The following ITGB3BP variants were observed in gnomAD, a reference collection of about 807,000 sequenced individuals.
ITGB3BP encodes integrin subunit beta 3 binding protein.
In ITGB3BP, 27 loss-of-function variants were observed where a neutral mutation model predicts 29.1. That is an observed-to-expected ratio of 0.93 (90% CI 0.68 to 1.28). The LOEUF (loss-of-function observed/expected upper bound fraction) is 1.28. Ranked by LOEUF, ITGB3BP falls within the 50% of genes most tolerant of loss-of-function variation. The pLI, the probability that ITGB3BP is intolerant of heterozygous loss-of-function variation, is 0.00. For synonymous variants in ITGB3BP, 61 were observed against 61.4 expected (o/e 0.99, Z 0.03); for missense variants, 192 against 200.2 (o/e 0.96, Z 0.25).
intron 8 of ITGB3BP, among the ~76,000 whole-genome samples, chr1:63,445,246 A>AGC (rs1644776501): frequency 6.6e-6 from 1 of 152,022 alleles, no homozygotes; most frequent in Non-Finnish European, 1.5e-5. Flanking sequence ...AGATCGTGCC[A>AGC]CTGCACTCCA....
intron 7 of ITGB3BP, among the ~76,000 whole-genome samples, chr1:63,448,177 T>C (rs1212832831): frequency 1.3e-5 from 1 of 79,372 alleles, no homozygotes; most frequent in Non-Finnish European, 2.3e-5. Context: ...TGGGGACTGT[T>C]GTGGGGTGGG....
chr1:63,495,682 TG>T (rs35718995), intron 2 of ITGB3BP, among the ~76,000 whole-genome samples: 3 of 89,408 alleles, frequency 3.4e-5, no homozygotes, highest in Non-Finnish European at 6.7e-5. Flanking sequence ...AAGGTGGGGG[TG>T]GGGGTGAAGG....
intron 4 of ITGB3BP, among the ~76,000 whole-genome samples, chr1:63,468,122 T>C (rs1272285387): frequency 1.3e-5 from 2 of 152,124 alleles, no homozygotes; most frequent in Non-Finnish European, 2.9e-5. Flanking sequence ...TAATACATAG[T>C]AAAAAACATG....
intron 1 of ITGB3BP, among the ~76,000 whole-genome samples, chr1:63,519,970 T>G (rs1420296525): frequency 1.3e-5 from 2 of 152,138 alleles, no homozygotes. Flanking sequence ...ATAGCTTTAG[T>G]TCAGTCATAG....
Position 63,475,162 on chromosome 1 carries a change from A to T in ITGB3BP, c.254+3602T>A, listed in dbSNP as rs147864903. Reference sequence around the variant, plus strand: ...CCTAATTTAAAAAAAAATTTTGTAGAGACAGGGTCTGGCCATGTTGCCCAG... The same window carrying T: ...CCTAATTTAAAAAAAAATTTTGTAGTGACAGGGTCTGGCCATGTTGCCCAG... On this transcript the variant is annotated intron_variant, in intron 4 of 8. Transcript: ENST00000271002. Among the ~76,000 whole-genome samples, 1,190 of 152,266 alleles carry T rather than the reference A, an allele frequency of 7.8e-3. 12 individuals are homozygous for T. The highest frequency in any genetic ancestry group is 0.026 in the African/African-American group (1,076 of 41,556).
At chr1:63,501,707 A>G (rs900419634) in intron 2 of ITGB3BP, among the ~76,000 whole-genome samples, 2 of 152,124 alleles carry the variant, frequency 1.3e-5, no homozygotes, top group Admixed American at 1.3e-4. Flanking sequence ...AAATAGATAC[A>G]AAAAATTAGC....
chr1:63,510,286 T>G (rs1646172588), intron 1 of ITGB3BP: 3 of 397,222 alleles, frequency 7.6e-6, no homozygotes, highest in African/African-American at 4.1e-5. Context: ...GATGCAATAG[T>G]ATCTTTTAGA....
upstream of ITGB3BP, chr1:63,527,909 A>C (rs1410933953): frequency 6.6e-6 from 1 of 152,200 alleles, no homozygotes; most frequent in Non-Finnish European, 1.5e-5. Flanking sequence ...AGAAGATATA[A>C]TTTTCTTTCA....
chr1:63,472,861 A>G (rs1212949444), intron 4 of ITGB3BP, among the ~76,000 whole-genome samples: 7 of 151,902 alleles, frequency 4.6e-5, no homozygotes, highest in Non-Finnish European at 1.0e-4. Flanking sequence ...TTGGCCTCCC[A>G]AAGTGCCGAG....
At chr1:63,522,959 G>C (rs769818176) in intron 1 of ITGB3BP, 170 bp downstream of exon 1, 4 of 811,490 alleles carry the variant, frequency 4.9e-6, no homozygotes, top group Non-Finnish European at 8.9e-6. Flanking sequence ...AGTACCGCTG[G>C]AGGAGACGTA....
At chr1:63,497,025 A>AT (rs1645803544) in intron 2 of ITGB3BP, among the ~76,000 whole-genome samples, 1 of 151,940 alleles carries the variant, frequency 6.6e-6, no homozygotes, top group African/African-American at 2.4e-5. Context: ...TACCATGCAC[A>AT]TTAAGATGTG....
At chr1:63,465,793 C>CA (rs1426458923) in intron 4 of ITGB3BP, among the ~76,000 whole-genome samples, 1 of 152,092 alleles carries the variant, frequency 6.6e-6, no homozygotes, top group Non-Finnish European at 1.5e-5. Flanking sequence ...TTTGAATAAA[C>CA]AAAACTATGT....
In ITGB3BP at chr1:63,515,555, C is replaced by T. The variant is rs1018687066; in HGVS notation, c.6-6985G>A. On this transcript the variant is annotated intron_variant, in intron 1 of 8. Coordinates refer to ENST00000271002, the MANE Select transcript of ITGB3BP (RefSeq NM_014288.5). Reference sequence around the variant, plus strand: ...TAGAACTACCATTCAACGCCAGGCACGATGGTTCACGCCTGTAATCCCAGG... The same window carrying T: ...TAGAACTACCATTCAACGCCAGGCATGATGGTTCACGCCTGTAATCCCAGG... 5.9e-5 allele frequency among the ~76,000 whole-genome samples: 9 copies of T among 152,086 alleles called. No individual in the cohort carries two copies. In the South Asian group the frequency reaches 6.2e-4, roughly 11 times the overall value.
At chr1:63,473,383 C>T (rs758863137) in intron 4 of ITGB3BP, among the ~76,000 whole-genome samples, 1,581 of 141,214 alleles carry the variant, frequency 0.011, 11 homozygotes, top group Non-Finnish European at 0.016. Context: ...CCGCCCCGTC[C>T]GGGAGGTGAG....
intron 4 of ITGB3BP, among the ~76,000 whole-genome samples, chr1:63,462,734 C>T (rs1337199160): frequency 6.6e-6 from 1 of 152,150 alleles, no homozygotes; most frequent in African/African-American, 2.4e-5. Context: ...TCCCTAGAGA[C>T]CATCATTTGA....
Position 63,508,582 on chromosome 1 carries a change from A to C in ITGB3BP, c.6-12T>G, listed in dbSNP as rs758778004. The C allele has an allele frequency of 1.7e-6, 2 of 1,211,934 alleles. No individual in the cohort carries two copies. Among genetic ancestry groups the C allele is most frequent in the Non-Finnish European group, 2.3e-6 (2 of 869,054 alleles). The allele number at this position is 1,211,934 out of a possible 1,614,324, so 75.1% of individuals were successfully genotyped here. A position where few individuals can be genotyped will look rare whatever the true frequency, so the allele number is the denominator to read the frequency against. ...GTGATCTTTTAACACTACAAACAAAAAATTTAAAGAAATTTTAGATTTGAC... is the reference window on the plus strand; with the variant it reads ...GTGATCTTTTAACACTACAAACAAACAATTTAAAGAAATTTTAGATTTGAC... On this transcript the variant is annotated splice_polypyrimidine_tract_variant and intron_variant, in intron 1 of 8. Transcript: ENST00000271002.
At chr1:63,521,919 T>C (rs1253091092) in intron 1 of ITGB3BP, among the ~76,000 whole-genome samples, 2 of 152,218 alleles carry the variant, frequency 1.3e-5, no homozygotes, top group African/African-American at 4.8e-5. Context: ...AGGGATTTTG[T>C]GTGTGTGATT....
At chr1:63,443,622 T>C (rs886184708) in intron 8 of ITGB3BP, among the ~76,000 whole-genome samples, 2 of 152,064 alleles carry the variant, frequency 1.3e-5, no homozygotes, top group Admixed American at 6.6e-5. Context: ...AGTAGCAGGA[T>C]AGGCTGTAGG....
In ITGB3BP at chr1:63,490,140, G is replaced by A. The variant is rs774110187; in HGVS notation, c.127C>T (p.Leu43=). Residue 43 remains leucine, a synonymous_variant, in exon 3 of 9, where the codon CTA becomes TTA. Coordinates refer to ENST00000271002, the MANE Select transcript of ITGB3BP (RefSeq NM_014288.5). ...SPTTGTCQMS[L]FASPTSSEEQ... is the part of the protein sequence containing the mutation. Reference sequence around the variant, plus strand: ...TCAGAACTTGTGGGAGAAGCAAATAGACTCATTTGACAAGTTCCAGTTGTT... The same window carrying A: ...TCAGAACTTGTGGGAGAAGCAAATAAACTCATTTGACAAGTTCCAGTTGTT... The A allele has an allele frequency of 4.1e-5, 66 of 1,607,262 alleles. No homozygotes were observed. The Middle Eastern group carries it at 6.6e-4, about 16-fold the overall frequency.
Sources: gnomAD v4.1 joint callset for allele counts (sites outside exome capture counted in the v4.1 genomes callset) on GRCh38, gnomAD v4.1.1 for gene constraint, MANE v1.5 for transcripts, NCBI Gene and HGNC (gene_info 2026-07-23, HGNC 2026-07-21) for gene names.